ZNF131: variants seen among roughly 807,000 people sequenced by gnomAD.
ZNF131 encodes zinc finger and BTB domain containing 35, also known as zinc finger protein 131.
Under a neutral mutation model 60.0 loss-of-function variants are expected in ZNF131, and 7 were observed. The observed-to-expected ratio is 0.12, with a 90% confidence interval of 0.07 to 0.22. The LOEUF is 0.22. ZNF131 is among the 10% of genes least tolerant of loss of function. The pLI is 1.00. For synonymous variants in ZNF131, 257 were observed against 253.2 expected (o/e 1.01, Z -0.14); for missense variants, 493 against 740.9 (o/e 0.67, Z 3.88).
At chr5:43,132,749 G>A (rs999468013) in intron 3 of ZNF131, among the ~76,000 whole-genome samples, 15 of 152,086 alleles carry the variant, frequency 9.9e-5, no homozygotes, top group African/African-American at 3.6e-4. Context: ...CTGACCTCAA[G>A]TAATCTGCCC....
intron 5 of ZNF131, among the ~76,000 whole-genome samples, chr5:43,163,768 G>GTTA (rs1166467293): frequency 7.9e-5 from 12 of 152,280 alleles, no homozygotes; most frequent in Non-Finnish European, 1.5e-4. Flanking sequence ...TGTTTAGACT[G>GTTA]TTAATACAGT....
Position 43,123,185 on chromosome 5 carries a change from CTTTT to C in ZNF131, c.125-18_125-15del, listed in dbSNP as rs757362413. On this transcript the variant is annotated intron_variant, in intron 2 of 6. Coordinates refer to ENST00000682664, the MANE Select transcript of ZNF131 (RefSeq NM_001330707.2). The stretch of plus-strand genomic sequence containing the variant: ...GATTTTCGTGCTTGTGTATGATTTT[CTTTT>C]TTTTTCTTATTTTACCTAGGACACC... 5.2e-6 allele frequency: 8 copies of C among 1,530,776 alleles called. No individual in the cohort carries two copies. In the East Asian group the frequency reaches 1.6e-4, roughly 31 times the overall value. The allele number at this position is 1,530,776 out of a possible 1,614,324, so 94.8% of individuals were successfully genotyped here.
intron 5 of ZNF131, among the ~76,000 whole-genome samples, chr5:43,168,813 CATT>C (rs1323888462): frequency 6.6e-6 from 1 of 152,088 alleles, no homozygotes; most frequent in Non-Finnish European, 1.5e-5. Context: ...ATTTGAGTAA[CATT>C]AGGTAGCCTG....
chr5:43,173,117 GTTAAATA>G (rs1302522347), intron 5 of ZNF131, 194 bp from the exon 6 acceptor site: 2 of 466,948 alleles, frequency 4.3e-6, no homozygotes, highest in East Asian at 3.4e-5. Context: ...CATATATACA[GTTAAATA>G]TTAAATTTTA....
At chr5:43,152,112 C>G (rs974414859) in intron 4 of ZNF131, among the ~76,000 whole-genome samples, 1 of 152,144 alleles carries the variant, frequency 6.6e-6, no homozygotes, top group African/African-American at 2.4e-5. Flanking sequence ...AAGTGATTCT[C>G]CTGCCTCAGA....
intron 1 of ZNF131, chr5:43,121,486 TC>T (rs1291731084): frequency 6.6e-6 from 1 of 152,286 alleles, no homozygotes; most frequent in Admixed American, 6.5e-5. Context: ...CCGGAAGGCG[TC>T]CGCGTCAGCC....
At chr5:43,137,439 G>T (rs1318257119) in intron 3 of ZNF131, among the ~76,000 whole-genome samples, 1 of 151,848 alleles carries the variant, frequency 6.6e-6, no homozygotes, top group Non-Finnish European at 1.5e-5. Flanking sequence ...AATGTGCTAA[G>T]AACTTGAATA....
chr5:43,175,389 T>C lies in ZNF131; in HGVS notation c.*256T>C, dbSNP rs181538465. On this transcript the variant is annotated 3_prime_UTR_variant, in exon 7 of 7. Transcript: ENST00000682664. ...GAAACTTAAATGGATTATATTCTTA[T>C]TATATAGTTGGGTACGAATGTATCT... 74 of 687,114 alleles carry C rather than the reference T, an allele frequency of 1.1e-4. No homozygotes were observed. In the African/African-American group the frequency reaches 1.2e-3, roughly 11 times the overall value. The allele number at this position is 687,114 out of a possible 1,614,324, so 42.6% of individuals were successfully genotyped here.
intron 4 of ZNF131, among the ~76,000 whole-genome samples, chr5:43,149,670 C>T (rs1748058974): frequency 6.6e-6 from 1 of 152,212 alleles, no homozygotes; most frequent in Non-Finnish European, 1.5e-5. Flanking sequence ...CCTATGAATG[C>T]TCCAGTTTTT....
chr5:43,134,743 C>T lies in ZNF131; in HGVS notation c.227-4422C>T, dbSNP rs192988702. Among the ~76,000 whole-genome samples, 48 of 136,384 alleles carry T rather than the reference C, an allele frequency of 3.5e-4. No individual in the cohort carries two copies. The East Asian group carries it at 4.2e-3, about 12-fold the overall frequency. 89.5% of individuals were successfully genotyped at this position (136,384 alleles called of 152,430 possible). A position where few individuals can be genotyped will look rare whatever the true frequency, so the allele number is the denominator to read the frequency against. On this transcript the variant is annotated intron_variant, in intron 3 of 6. Transcript: ENST00000682664. ...GAGACAGAGTTTCACTCTTGTTGCC[C>T]GGGCTGGAGTGCAGTGGCGTGACCT...
Position 43,175,714 on chromosome 5 carries a change from A to G in ZNF131, c.*581A>G. 1 of 267,760 alleles carries G rather than the reference A, an allele frequency of 3.7e-6. No individual in the cohort carries two copies. 16.6% of individuals were successfully genotyped at this position (267,760 alleles called of 1,614,324 possible). ...AGAGTGGTGGTGGCAAAATTTCTAG[A>G]ATGTTAAAAAAAAAAAAAAATCCAC... On this transcript the variant is annotated 3_prime_UTR_variant, in exon 7 of 7. Transcript: ENST00000682664.
At chr5:43,133,933 T>G (rs1179575880) in intron 3 of ZNF131, among the ~76,000 whole-genome samples, 1 of 152,184 alleles carries the variant, frequency 6.6e-6, no homozygotes, top group African/African-American at 2.4e-5. Flanking sequence ...GATGGGTTCA[T>G]TGATTAATTC....
At chr5:43,129,917 A>G (rs895553344) in intron 3 of ZNF131, among the ~76,000 whole-genome samples, 1 of 151,006 alleles carries the variant, frequency 6.6e-6, no homozygotes, top group Non-Finnish European at 1.5e-5. Context: ...CGGCCTCCCA[A>G]AGTGCTGGGA....
At chr5:43,141,029 T>G (rs1746759638) in intron 4 of ZNF131, among the ~76,000 whole-genome samples, 1 of 152,048 alleles carries the variant, frequency 6.6e-6, no homozygotes, top group Non-Finnish European at 1.5e-5. Context: ...GAATAAAAGT[T>G]TTTTTTTAAG....
chr5:43,123,397 C>G, intron 3 of ZNF131, 87 bp downstream of exon 3: 3 of 1,168,664 alleles, frequency 2.6e-6, no homozygotes. Context: ...ACTTAGCAAA[C>G]AATTGGTGAA....
chr5:43,175,204 C>G lies in ZNF131; in HGVS notation c.*71C>G. ...ACTGATTATGGGCAGTTTGACTGTC[C>G]TTAATTAAGCCTAACAGACAAGTGG... On this transcript the variant is annotated 3_prime_UTR_variant, in exon 7 of 7. Coordinates refer to ENST00000682664, the MANE Select transcript of ZNF131 (RefSeq NM_001330707.2). 1 of 1,429,882 alleles carries G rather than the reference C, an allele frequency of 7.0e-7. No individual in the cohort carries two copies. The highest frequency in any genetic ancestry group is 1.4e-5 in the South Asian group (1 of 70,440). The allele number at this position is 1,429,882 out of a possible 1,614,324, so 88.6% of individuals were successfully genotyped here.
At position 43,161,590 on chromosome 5, in the gene ZNF131, A is replaced by G. The variant is rs778483866; in HGVS notation, c.713A>G (p.Asp238Gly). ...ATTAAAGAAGATGGCTGTCCATCTG[A>G]CCCCACGAGCAAACAGGTAGAAGGT... ...GQIKEDGCPS[D>G]PTSKQVEGIE... Residue 238 changes from aspartate to glycine, a missense_variant, in exon 5 of 7, where the codon GAC becomes GGC. Physicochemically the swap from Asp to Gly is moderately conservative, Grantham distance 94. Around this residue, in one of 7 missense-constraint regions of ZNF131, gnomAD observed 138 missense variants for 158.7 expected, o/e 0.87. Transcript: ENST00000682664. 1 of 1,614,012 alleles carries G rather than the reference A, an allele frequency of 6.2e-7. No homozygotes were observed. Among genetic ancestry groups the G allele is most frequent in the Non-Finnish European group, 8.5e-7 (1 of 1,180,030 alleles).
At chr5:43,126,739 A>G (rs1691832602) in intron 3 of ZNF131, among the ~76,000 whole-genome samples, 1 of 152,172 alleles carries the variant, frequency 6.6e-6, no homozygotes, top group Non-Finnish European at 1.5e-5. Flanking sequence ...TTCTTTTGTC[A>G]GAAGAACTCT....
At chr5:43,166,779 C>CTCCT (rs1750422719) in intron 5 of ZNF131, among the ~76,000 whole-genome samples, 1 of 151,032 alleles carries the variant, frequency 6.6e-6, no homozygotes, top group African/African-American at 2.5e-5. Flanking sequence ...CTCAGCCTCC[C>CTCCT]GAGTAGCTGG....
Sources: allele counts gnomAD v4.1 joint callset (sites outside exome capture counted in the v4.1 genomes callset), GRCh38; gene constraint gnomAD v4.1.1; regional missense constraint gnomAD v4.1.1; transcripts MANE v1.5; gene names NCBI Gene and HGNC (gene_info 2026-07-23, HGNC 2026-07-21).